The following EDA variants were observed in gnomAD, a reference collection of about 807,000 sequenced individuals.
The protein encoded by EDA is ectodysplasin A.
EDA carries 2 observed loss-of-function variants against 23.6 expected under a neutral mutation model. The observed-to-expected ratio is 0.08, with a 90% confidence interval of 0.03 to 0.27. The LOEUF is 0.27. EDA is among the 10% of genes least tolerant of loss of function. The pLI is 1.00. For synonymous variants in EDA, 131 were observed against 132.0 expected (o/e 0.99, Z 0.05); for missense variants, 229 against 324.2 (o/e 0.71, Z 2.26).
intron 1 of EDA, among the ~76,000 whole-genome samples, chrX:69,911,057 G>A (rs2018259897): frequency 8.9e-6 from 1 of 112,014 alleles, no homozygotes; most frequent in Middle Eastern, 4.6e-3. Context: ...AAAAGATTGT[G>A]TTATAGACCC....
In EDA at chrX:69,626,019, A is replaced by G. The variant is rs759825738; in HGVS notation, c.396+9315A>G. ...AGCAAAAGATATGAACAGATATTAT[A>G]CCACAAATGAAGATACACAAATGGC... On this transcript the variant is annotated intron_variant, in intron 1 of 7. Transcript: ENST00000374552. Among the ~76,000 whole-genome samples, 3 of 111,742 alleles carry G rather than the reference A, an allele frequency of 2.7e-5. No individual in the cohort carries two copies. In the Admixed American group the frequency reaches 2.8e-4, roughly 11 times the overall value.
intron 1 of EDA, among the ~76,000 whole-genome samples, chrX:69,794,620 C>G (rs747785638): frequency 4.5e-5 from 5 of 112,110 alleles, no homozygotes; most frequent in Non-Finnish European, 7.5e-5. Context: ...TTTTGGAGGA[C>G]TAGAGTGAAT....
intron 1 of EDA, among the ~76,000 whole-genome samples, chrX:69,708,661 A>G (rs926502576): frequency 1.8e-5 from 2 of 111,505 alleles, no homozygotes; most frequent in Non-Finnish European, 3.8e-5. Context: ...TCTGCAACTC[A>G]TATATTTTAA....
chrX:69,661,430 G>A (rs1443444454), intron 1 of EDA, among the ~76,000 whole-genome samples: 18 of 107,815 alleles, frequency 1.7e-4, no homozygotes, highest in African/African-American at 5.5e-4. Context: ...CCATGCCTAT[G>A]TCCTGAATGG....
At chrX:69,828,435 A>C (rs1213618295) in intron 1 of EDA, among the ~76,000 whole-genome samples, 1 of 112,145 alleles carries the variant, frequency 8.9e-6, no homozygotes, top group Non-Finnish European at 1.9e-5. Context: ...GGAAAAGCGC[A>C]GTATTCGGGT....
intron 1 of EDA, among the ~76,000 whole-genome samples, chrX:69,851,309 G>A (rs112291102): frequency 0.018 from 1,967 of 111,243 alleles, 48 homozygotes; most frequent in African/African-American, 0.061. Context: ...TTCCTTCATG[G>A]CTTCTCACTG....
chrX:69,735,653 A>G (rs1477072249), intron 1 of EDA, among the ~76,000 whole-genome samples: 1 of 111,334 alleles, frequency 9.0e-6, no homozygotes, highest in Non-Finnish European at 1.9e-5. Context: ...AGAAGATCCC[A>G]TTCTCTAGCT....
At chrX:69,672,228 A>C (rs1222527320) in intron 1 of EDA, among the ~76,000 whole-genome samples, 1 of 110,853 alleles carries the variant, frequency 9.0e-6, no homozygotes, top group African/African-American at 3.3e-5. Context: ...CATGTTATAC[A>C]CCTACCATGT....
intron 1 of EDA, among the ~76,000 whole-genome samples, chrX:69,956,624 G>A (rs866575864): frequency 9.9e-5 from 11 of 111,324 alleles, no homozygotes; most frequent in Admixed American, 3.8e-4. Flanking sequence ...GATTACAGGC[G>A]TGAGCCACTG....
chrX:69,982,034 A>C (rs776389459), intron 2 of EDA, among the ~76,000 whole-genome samples: 25 of 111,514 alleles, frequency 2.2e-4, no homozygotes, highest in Non-Finnish European at 4.0e-4. Flanking sequence ...GGACCAGAAA[A>C]TGGCATCTAA....
chrX:69,993,875 T>A (rs2019622701), intron 2 of EDA, among the ~76,000 whole-genome samples: 1 of 111,651 alleles, frequency 9.0e-6, no homozygotes, highest in African/African-American at 3.3e-5. Context: ...TGTCAGAGAC[T>A]TTCCTGCTAA....
chrX:69,788,048 T>G (rs2015258147), intron 1 of EDA, among the ~76,000 whole-genome samples: 1 of 111,600 alleles, frequency 9.0e-6, no homozygotes, highest in South Asian at 3.8e-4. Flanking sequence ...CATTTCATCT[T>G]CCATCACTGA....
intron 1 of EDA, among the ~76,000 whole-genome samples, chrX:69,813,109 A>G (rs1367321150): frequency 9.0e-6 from 1 of 110,982 alleles, no homozygotes; most frequent in Admixed American, 9.6e-5. Flanking sequence ...ATGTGTTCTT[A>G]ATTATTCCCC....
At chrX:69,870,808 G>A (rs2017554835) in intron 1 of EDA, among the ~76,000 whole-genome samples, 1 of 111,319 alleles carries the variant, frequency 9.0e-6, no homozygotes, top group Non-Finnish European at 1.9e-5. Context: ...TCAACCACTC[G>A]TATAGTAAGA....
At chrX:69,752,155 A>T (rs968741913) in intron 1 of EDA, among the ~76,000 whole-genome samples, 1 of 111,184 alleles carries the variant, frequency 9.0e-6, no homozygotes, top group African/African-American at 3.3e-5. Context: ...GTCTTGTGCC[A>T]GTTTTCAAAG....
chrX:69,644,931 C>T (rs1932889188), intron 1 of EDA, among the ~76,000 whole-genome samples: 1 of 111,605 alleles, frequency 9.0e-6, no homozygotes, highest in Non-Finnish European at 1.9e-5. Context: ...GATTTGTGTA[C>T]GTTGAACCAA....
chrX:69,749,039 T>A (rs1270572700), intron 1 of EDA, among the ~76,000 whole-genome samples: 7 of 96,477 alleles, frequency 7.3e-5, no homozygotes, highest in African/African-American at 2.6e-4. Context: ...CTGCACCCAC[T>A]AACTCGTCAT....
chrX:69,920,541 G>A (rs2018414487), intron 1 of EDA, among the ~76,000 whole-genome samples: 1 of 111,357 alleles, frequency 9.0e-6, no homozygotes, highest in Non-Finnish European at 1.9e-5. Context: ...GTATTTTGCA[G>A]AATGTCCTTC....
At chrX:69,878,865 G>A (rs758180769) in intron 1 of EDA, among the ~76,000 whole-genome samples, 27 of 110,208 alleles carry the variant, frequency 2.4e-4, no homozygotes, top group African/African-American at 6.9e-4. Flanking sequence ...TCTTGCCTCC[G>A]TCGGCAACAG....
Sources: gnomAD v4.1 joint callset for allele counts (sites outside exome capture counted in the v4.1 genomes callset) on GRCh38, gnomAD v4.1.1 for gene constraint, MANE v1.5 for transcripts, NCBI Gene and HGNC (gene_info 2026-07-23, HGNC 2026-07-21) for gene names.